The following IGF2 variants were observed in gnomAD, a reference collection of about 807,000 sequenced individuals.
IGF2 encodes insulin-like growth factor 2.
Under a neutral mutation model 12.0 loss-of-function variants are expected in IGF2, and 2 were observed. The observed-to-expected ratio is 0.17, with a 90% CI of 0.07 to 0.52. The LOEUF (loss-of-function observed/expected upper bound fraction) is 0.52, where lower values mean the gene tolerates loss of function less well. IGF2 is among the 20% of genes least tolerant of loss of function. The probability of loss-of-function intolerance (pLI) is 0.95; values close to 1 mark genes in which losing one functional copy is unlikely to be tolerated. For missense variants in IGF2, 211 were observed against 268.0 expected, an observed-to-expected ratio of 0.79 and a Z score of 1.48; for synonymous variants, 105 against 110.1, an observed-to-expected ratio of 0.95 and a Z score of 0.29.
chr11:2,144,123 C>A (rs1859766609), upstream of IGF2, among the ~76,000 whole-genome samples: 1 of 152,128 alleles, frequency 6.6e-6, no homozygotes, highest in South Asian at 2.1e-4. Flanking sequence ...ACACGGAGAG[C>A]GCGTTTGTGG....
chr11:2,145,355 A>G (rs1859853632), upstream of IGF2, among the ~76,000 whole-genome samples: 1 of 152,198 alleles, frequency 6.6e-6, no homozygotes, highest in African/African-American at 2.4e-5. Flanking sequence ...AGAGCGGACT[A>G]GGTTGCCGAG....
chr11:2,148,034 G>T, the IGF2 span: 1 of 391,358 alleles, frequency 2.6e-6, no homozygotes. This position sits in a 1 kb window ranked among gnomAD's most constrained non-coding sequence, Gnocchi z 4.3. Flanking sequence ...TGCCTAGAAA[G>T]GGCTTCCCGG....
At chr11:2,135,660 A>C in intron 1 of IGF2, 131 bp from the exon 2 acceptor site, 2 of 744,166 alleles carry the variant, frequency 2.7e-6, no homozygotes, top group Non-Finnish European at 4.4e-6. Context: ...TCCTATAAAC[A>C]TTATTTTTAT....
chr11:2,149,388 G>A, the IGF2 span: 17 of 1,525,826 alleles, frequency 1.1e-5, no homozygotes, highest in Non-Finnish European at 1.5e-5. Context: ...ATGTTAATAC[G>A]GCCCCTACAG....
chr11:2,148,848 G>A, the IGF2 span: 1 of 486,656 alleles, frequency 2.1e-6, no homozygotes, highest in Admixed American at 3.7e-5. This position sits in a 1 kb window ranked among gnomAD's most constrained non-coding sequence, Gnocchi z 4.3. Flanking sequence ...ATTTTGCTTG[G>A]TGAATTAGTC....
chr11:2,138,388 T>C lies in IGF2; in HGVS notation c.-166A>G. 7.8e-6 allele frequency: 1 copy of C among 128,482 alleles called. No individual in the cohort carries two copies. Among genetic ancestry groups the C allele is most frequent in the Non-Finnish European group, 1.1e-5 (1 of 93,414 alleles). 8.0% of individuals were successfully genotyped at this position (128,482 alleles called of 1,614,324 possible). ...GCAGAGCGGGGGGATGGCTTTTTTTTGGGGGGGGGGGGAGAATTCGTCTGA... is the reference window on the plus strand; with the variant it reads ...GCAGAGCGGGGGGATGGCTTTTTTTCGGGGGGGGGGGGAGAATTCGTCTGA... On this transcript the variant is annotated 5_prime_UTR_variant, in exon 1 of 4. Transcript: ENST00000416167.
upstream of IGF2, among the ~76,000 whole-genome samples, chr11:2,145,412 TC>T (rs1208276801): frequency 6.6e-6 from 1 of 152,012 alleles, no homozygotes; most frequent in African/African-American, 2.4e-5. Flanking sequence ...AGCTCTAGGC[TC>T]CCCCCACCTT....
chr11:2,136,812 A>G (rs370795058), intron 1 of IGF2, among the ~76,000 whole-genome samples: 2 of 152,222 alleles, frequency 1.3e-5, no homozygotes, highest in African/African-American at 2.4e-5. Flanking sequence ...ACACTCCGCC[A>G]GCTGGCCACT....
chr11:2,139,026 G>A lies in IGF2; in HGVS notation c.-804C>T. The A allele has an allele frequency of 1.1e-6, 1 of 925,042 alleles. No individual in the cohort carries two copies. 57.3% of individuals were successfully genotyped at this position (925,042 alleles called of 1,614,324 possible). ...CGCAGCGCGGAAAGGGGAGCGGCCC[G>A]AGGCTGCGCGCCGGGGGGAGGGCTG... On this transcript the variant is annotated 5_prime_UTR_variant, in exon 1 of 4. Transcript: ENST00000416167.
rs773624887 is a variant in IGF2, at chr11:2,133,018, G to A, written c.512C>T (p.Ala171Val). 3 of 1,552,306 alleles carry A rather than the reference G, an allele frequency of 1.9e-6. No individual in the cohort carries two copies. Among genetic ancestry groups the A allele is most frequent in the East Asian group, 2.3e-5 (1 of 42,878 alleles). ...LPTQDPAHGG[A>V]PPEMASNRK Reference sequence around the variant, plus strand: ...CCGATTGCTGGCCATCTCTGGGGGGGCGCCCCCGTGGGCGGGGTCTTGGGT... The same window carrying A: ...CCGATTGCTGGCCATCTCTGGGGGGACGCCCCCGTGGGCGGGGTCTTGGGT... The change falls in exon 4 of 4, where the codon GCC becomes GTC. Residue 171 changes from alanine (A) to valine (V), a missense_variant. By Grantham distance (64) the Ala-to-Val change is moderately conservative. Around this residue, in one of 3 missense-constraint regions of IGF2, gnomAD observed 141 missense variants for 153.1 expected, o/e 0.92. Transcript: ENST00000416167. This position sits in a 1 kb window ranked among gnomAD's most constrained non-coding sequence, Gnocchi z 8.9.
chr11:2,140,645 T>G, upstream of IGF2: 7 of 491,838 alleles, frequency 1.4e-5, no homozygotes, highest in Non-Finnish European at 1.6e-5. Flanking sequence ...ATCTTTGCAA[T>G]GAGCAAACGA....
the IGF2 span, chr11:2,147,958 T>C: frequency 2.3e-6 from 1 of 443,116 alleles, no homozygotes. The surrounding 1 kb of genome is among the most constrained non-coding windows in gnomAD (Gnocchi z 7.2). Context: ...CTTCCCCCTC[T>C]AGCCCCTCCC....
At chr11:2,137,870 C>T (rs1289550050) in intron 1 of IGF2, among the ~76,000 whole-genome samples, 1 of 152,214 alleles carries the variant, frequency 6.6e-6, no homozygotes, top group Non-Finnish European at 1.5e-5. Context: ...CCTCGTTACC[C>T]AGCACCCCGG....
the IGF2 span, chr11:2,149,029 A>G: frequency 8.6e-7 from 1 of 1,167,100 alleles, no homozygotes; most frequent in South Asian, 1.4e-5. Flanking sequence ...TTCAGAAACC[A>G]GGATCCTGGC....
upstream of IGF2, among the ~76,000 whole-genome samples, chr11:2,144,496 A>G (rs1859794829): frequency 6.6e-6 from 1 of 152,214 alleles, no homozygotes; most frequent in African/African-American, 2.4e-5. Context: ...TGAAGAGCAG[A>G]GGAAGTGGGG....
At chr11:2,139,719 C>T (rs1184470279), upstream of IGF2, among the ~76,000 whole-genome samples, 1 of 151,800 alleles carries the variant, frequency 6.6e-6, no homozygotes, top group East Asian at 1.9e-4. Context: ...CTGGGGTGCC[C>T]GGGCGGCCTG....
intron 2 of IGF2, chr11:2,134,151 G>A: frequency 1.9e-6 from 1 of 515,338 alleles, no homozygotes; most frequent in Non-Finnish European, 3.9e-6. Context: ...GAAGACGGGA[G>A]GAGAGGAGTG....
At chr11:2,140,182 G>A (rs1303250662), upstream of IGF2, 2 of 1,613,296 alleles carry the variant, frequency 1.2e-6, no homozygotes, top group East Asian at 2.2e-5. Context: ...TCGCCTTTGC[G>A]GCCCACCCAA....
chr11:2,140,873 G>A (rs746636459), upstream of IGF2: 1 of 364,302 alleles, frequency 2.7e-6, no homozygotes, highest in South Asian at 1.9e-5. Context: ...GCTGGAGGCT[G>A]CGTCCGCGGG....
Sources: allele counts gnomAD v4.1 joint callset (sites outside exome capture counted in the v4.1 genomes callset), GRCh38; gene constraint gnomAD v4.1.1; regional missense constraint gnomAD v4.1.1; non-coding constraint Gnocchi (gnomAD v3.1); transcripts MANE v1.5; gene names NCBI Gene and HGNC (gene_info 2026-07-23, HGNC 2026-07-21).